LRRTM3: variants seen among roughly 807,000 people sequenced by gnomAD.
LRRTM3 encodes the protein leucine rich repeat transmembrane neuronal 3, also known as leucine-rich repeat transmembrane neuronal protein 3.
Under a neutral mutation model 44.7 loss-of-function variants are expected in LRRTM3, and 24 were observed. The ratio of observed to expected loss-of-function variants is 0.54; its 90% CI spans 0.39 to 0.76. The LOEUF (loss-of-function observed/expected upper bound fraction) is 0.76. Ranked by LOEUF, LRRTM3 falls within the 30% of genes least tolerant of loss-of-function variation. The pLI, the probability that LRRTM3 is intolerant of heterozygous loss-of-function variation, is 0.00. For synonymous variants in LRRTM3, 277 were observed against 278.7 expected, an observed-to-expected ratio of 0.99 and a Z score of 0.06; for missense variants, 587 against 702.2, an observed-to-expected ratio of 0.84 and a Z score of 1.85.
chr10:67,062,389 T>C (rs1855811419), intron 2 of LRRTM3, among the ~76,000 whole-genome samples: 2 of 152,314 alleles, frequency 1.3e-5, no homozygotes, highest in Middle Eastern at 3.4e-3. Context: ...TTAAAATTAG[T>C]GGTGCTAAAT....
At chr10:66,954,343 G>T (rs541670082) in intron 2 of LRRTM3, among the ~76,000 whole-genome samples, 1 of 152,064 alleles carries the variant, frequency 6.6e-6, no homozygotes, top group Non-Finnish European at 1.5e-5. Flanking sequence ...AAAAATCAAG[G>T]TTGCTGCTTC....
intron 2 of LRRTM3, among the ~76,000 whole-genome samples, chr10:67,075,064 C>A (rs1856676807): frequency 6.6e-6 from 1 of 151,762 alleles, no homozygotes; most frequent in Non-Finnish European, 1.5e-5. Context: ...AAGTTTGTTT[C>A]CTAGAGCTGT....
At position 66,926,377 on chromosome 10, in the gene LRRTM3, T is replaced by G; in HGVS notation, c.-207T>G. 1 of 617,618 alleles carries G rather than the reference T, an allele frequency of 1.6e-6. No individual in the cohort carries two copies. The highest frequency in any genetic ancestry group is 2.9e-6 in the Non-Finnish European group (1 of 340,928). The allele number at this position is 617,618 out of a possible 1,614,324, so 38.3% of individuals were successfully genotyped here. A position where few individuals can be genotyped will look rare whatever the true frequency, so the allele number is the denominator to read the frequency against. On this transcript the variant is annotated 5_prime_UTR_variant, in exon 1 of 3. Coordinates refer to ENST00000361320, the MANE Select transcript of LRRTM3 (RefSeq NM_178011.5). Reference sequence around the variant, plus strand: ...TTTTGATGTTTTGCTGCGAATGCGGTGTTGGGATTTATTTGTTCTTGGAGT... The same window carrying G: ...TTTTGATGTTTTGCTGCGAATGCGGGGTTGGGATTTATTTGTTCTTGGAGT...
chr10:66,931,419 A>G (rs964285510), intron 2 of LRRTM3, among the ~76,000 whole-genome samples: 1 of 152,202 alleles, frequency 6.6e-6, no homozygotes, highest in Non-Finnish European at 1.5e-5. Flanking sequence ...TTGCATTGAA[A>G]TGAGTTTGTA....
chr10:66,972,787 T>C (rs1036199600), intron 2 of LRRTM3, among the ~76,000 whole-genome samples: 1 of 147,776 alleles, frequency 6.8e-6, no homozygotes, highest in Non-Finnish European at 1.5e-5. Context: ...CTCGGCTCAC[T>C]GCAACCTCCA....
intron 2 of LRRTM3, among the ~76,000 whole-genome samples, chr10:67,059,985 T>C (rs1855666888): frequency 6.6e-6 from 1 of 152,122 alleles, no homozygotes; most frequent in Admixed American, 6.6e-5. Flanking sequence ...TTAGCACTAA[T>C]AAGAATGGCT....
At position 67,083,399 on chromosome 10, in the gene LRRTM3, C is replaced by CA. The variant is rs551683164; in HGVS notation, c.1537-14177dup. Among the ~76,000 whole-genome samples the CA allele has an allele frequency of 5.8e-3, 827 of 142,356 alleles. 6 individuals carry two copies. Among genetic ancestry groups the CA allele is most frequent in the African/African-American group, 0.019 (732 of 39,058 alleles). The allele number at this position is 142,356 out of a possible 152,430, so 93.4% of individuals were successfully genotyped here. ...ACCATCTAGGAAATTTGTCTCAGTG[C>CA]AAAAAAAAAAAGTATAGTCCTATCT... On this transcript the variant is annotated intron_variant, in intron 2 of 2. Coordinates refer to ENST00000361320, the MANE Select transcript of LRRTM3 (RefSeq NM_178011.5).
chr10:67,032,010 T>A (rs1181648812), intron 2 of LRRTM3, among the ~76,000 whole-genome samples: 1 of 152,192 alleles, frequency 6.6e-6, no homozygotes, highest in Non-Finnish European at 1.5e-5. Flanking sequence ...GTATATAAAA[T>A]GGTTTATGGC....
chr10:66,968,199 A>T, intron 2 of LRRTM3, among the ~76,000 whole-genome samples: 1 of 152,058 alleles, frequency 6.6e-6, no homozygotes, highest in East Asian at 1.9e-4. Flanking sequence ...CCATCATCAA[A>T]TAAGAGTATG....
At chr10:67,081,511 A>G (rs1315781360) in intron 2 of LRRTM3, among the ~76,000 whole-genome samples, 1 of 152,202 alleles carries the variant, frequency 6.6e-6, no homozygotes, top group East Asian at 1.9e-4. Flanking sequence ...AACTTGCCCA[A>G]GGTCACCAAT....
At chr10:67,084,842 T>A (rs1021426456) in intron 2 of LRRTM3, among the ~76,000 whole-genome samples, 16 of 151,992 alleles carry the variant, frequency 1.1e-4, no homozygotes, top group Non-Finnish European at 2.1e-4. Context: ...TGATTTTATA[T>A]CATTCAGGTT....
At chr10:66,955,189 TC>T (rs1848724132) in intron 2 of LRRTM3, among the ~76,000 whole-genome samples, 1 of 152,126 alleles carries the variant, frequency 6.6e-6, no homozygotes, top group Non-Finnish European at 1.5e-5. Flanking sequence ...CCTGAAAAGA[TC>T]CATTTTATTC....
chr10:67,024,891 G>C (rs921127291), intron 2 of LRRTM3, among the ~76,000 whole-genome samples: 12 of 151,810 alleles, frequency 7.9e-5, no homozygotes, highest in Non-Finnish European at 1.8e-4. Flanking sequence ...AGCACTTTAG[G>C]GGGCCAAGGC....
At chr10:66,971,241 C>T (rs1367951940) in intron 2 of LRRTM3, among the ~76,000 whole-genome samples, 1 of 152,048 alleles carries the variant, frequency 6.6e-6, no homozygotes, top group African/African-American at 2.4e-5. Context: ...GCCTGACCAA[C>T]ATAGTGAAAC....
chr10:66,967,333 CATAT>C (rs558943403), intron 2 of LRRTM3, among the ~76,000 whole-genome samples: 39 of 140,898 alleles, frequency 2.8e-4, no homozygotes, highest in Admixed American at 3.6e-4. Flanking sequence ...TGGATATAGA[CATAT>C]ATATATATAG....
At chr10:66,998,009 C>CGCCA (rs1213076870) in intron 2 of LRRTM3, among the ~76,000 whole-genome samples, 1 of 152,190 alleles carries the variant, frequency 6.6e-6, no homozygotes, top group Non-Finnish European at 1.5e-5. Context: ...TCTAACTGGC[C>CGCCA]TCCCTGCCCA....
intron 2 of LRRTM3, among the ~76,000 whole-genome samples, chr10:67,087,155 G>A (rs1393786590): frequency 6.6e-6 from 1 of 152,000 alleles, no homozygotes; most frequent in Non-Finnish European, 1.5e-5. Context: ...AGATTTACAT[G>A]TAAATGAACA....
intron 2 of LRRTM3, among the ~76,000 whole-genome samples, chr10:66,962,141 C>G (rs1324611428): frequency 2.0e-5 from 3 of 152,122 alleles, no homozygotes; most frequent in Admixed American, 2.0e-4. Flanking sequence ...TCATAGCAGT[C>G]ACTTTCCTGT....
chr10:67,046,654 T>C (rs913431538), intron 2 of LRRTM3, among the ~76,000 whole-genome samples: 4 of 152,212 alleles, frequency 2.6e-5, no homozygotes, highest in African/African-American at 4.8e-5. Flanking sequence ...CAGAAAAGAT[T>C]GGAAGCATGG....
Sources: gnomAD v4.1 joint callset for allele counts (sites outside exome capture counted in the v4.1 genomes callset) on GRCh38, gnomAD v4.1.1 for gene constraint, MANE v1.5 for transcripts, NCBI Gene and HGNC (gene_info 2026-07-23, HGNC 2026-07-21) for gene names.